Variants in WHRN observed in about 807,000 individuals in gnomAD.
The protein encoded by WHRN is CASK-interacting protein CIP98.
A neutral mutation model predicts 68.3 loss-of-function variants in WHRN; 41 were observed. That is an observed-to-expected ratio of 0.60 (90% confidence interval 0.47 to 0.78). The LOEUF is 0.78. Among genes scored for constraint, WHRN ranks in the 30% least tolerant of loss-of-function variants. WHRN has a pLI of 0.00. For synonymous variants in WHRN, 560 were observed against 561.3 expected, an observed-to-expected ratio of 1.00 and a Z score of 0.03; for missense variants, 1,243 against 1,244.7, an observed-to-expected ratio of 1.00 and a Z score of 0.02.
At chr9:114,491,929 C>T (rs1374479806) in intron 1 of WHRN, among the ~76,000 whole-genome samples, 17 of 151,726 alleles carry the variant, frequency 1.1e-4, no homozygotes. Flanking sequence ...TCCTGGGTCA[C>T]TCCCGGGGTG....
Position 114,402,800 on chromosome 9 carries a change from C to T in WHRN, c.2678G>A (p.Arg893His), listed in dbSNP as rs773620841. 2.0e-5 allele frequency: 33 copies of T among 1,614,098 alleles called. No individual in the cohort carries two copies. Among genetic ancestry groups the T allele is most frequent in the East Asian group, 1.1e-4 (5 of 44,878 alleles). Residue 893 changes from arginine to histidine, a missense_variant, in exon 12 of 12, where the codon CGT becomes CAT. Coordinates refer to ENST00000362057, the MANE Select transcript of WHRN (RefSeq NM_015404.4). ...AGTGACCAGAAAGTCAATGTAGTCACGGTCCTTAGTCTTGAAGGCCTCGGC... is the reference window on the plus strand; with the variant it reads ...AGTGACCAGAAAGTCAATGTAGTCATGGTCCTTAGTCTTGAAGGCCTCGGC... Reference protein sequence around the residue: ...IIAEAFKTKDRDYIDFLVTEF... With the variant: ...IIAEAFKTKDHDYIDFLVTEF...
At position 114,402,429 on chromosome 9, in the gene WHRN, G is replaced by T; in HGVS notation, c.*325C>A. ...GGGGATGGGCTGGGTCCTAGCTGGAGGGGGGACAGCAGTGCCCCCAACCCA... is the reference window on the plus strand; with the variant it reads ...GGGGATGGGCTGGGTCCTAGCTGGATGGGGGACAGCAGTGCCCCCAACCCA... On this transcript the variant is annotated 3_prime_UTR_variant, in exon 12 of 12. Transcript: ENST00000362057. The T allele has an allele frequency of 2.5e-6, 1 of 398,116 alleles. No individual in the cohort carries two copies. The highest frequency in any genetic ancestry group is 4.7e-6 in the Non-Finnish European group (1 of 210,774). The allele number at this position is 398,116 out of a possible 1,614,324, so 24.7% of individuals were successfully genotyped here.
intron 3 of WHRN, among the ~76,000 whole-genome samples, chr9:114,443,680 A>G (rs1838577498): frequency 6.6e-6 from 1 of 152,184 alleles, no homozygotes; most frequent in Admixed American, 6.5e-5. Flanking sequence ...GGATGTAGAC[A>G]TTTTGGAGGG....
intron 1 of WHRN, among the ~76,000 whole-genome samples, chr9:114,494,387 C>G (rs926108552): frequency 8.5e-5 from 13 of 152,114 alleles, no homozygotes; most frequent in Admixed American, 2.6e-4. Flanking sequence ...CATCAGTATC[C>G]CCATTTTAGA....
chr9:114,462,250 A>T (rs1397850376), intron 3 of WHRN, among the ~76,000 whole-genome samples: 5 of 152,182 alleles, frequency 3.3e-5, no homozygotes, highest in Non-Finnish European at 5.9e-5. Context: ...GTTCTGGAAT[A>T]TCACTCATCC....
Position 114,405,965 on chromosome 9 carries a change from A to G in WHRN, c.2236+390T>C, listed in dbSNP as rs1564115347. On this transcript the variant is annotated intron_variant, in intron 9 of 11. Transcript: ENST00000362057. ...TCCAGAGACTGCCACTTCAGTTTCC[A>G]GCATCTACTCCAGGCCAGGCCATGG... is the stretch of plus-strand genomic sequence containing the variant. Among the ~76,000 whole-genome samples the G allele has an allele frequency of 5.9e-5, 9 of 152,318 alleles. No homozygotes were observed. The South Asian group carries it at 1.9e-3, about 32-fold the overall frequency.
In WHRN at chr9:114,448,654, C is replaced by A. The variant is rs147989878; in HGVS notation, c.963+17613G>T. Among the ~76,000 whole-genome samples the A allele has an allele frequency of 4.0e-4, 61 of 152,290 alleles. No homozygotes were observed. The East Asian group carries it at 0.01, about 26-fold the overall frequency. On this transcript the variant is annotated intron_variant, in intron 3 of 11. Transcript: ENST00000362057. Reference sequence around the variant, plus strand: ...CCCCTGGAAAGCCCCCCTAAGCCACCATTCTTAGAGGCAGCCCAAACTAGC... The same window carrying A: ...CCCCTGGAAAGCCCCCCTAAGCCACAATTCTTAGAGGCAGCCCAAACTAGC...
At chr9:114,428,153 T>A (rs1163484255) in intron 3 of WHRN, among the ~76,000 whole-genome samples, 2 of 152,030 alleles carry the variant, frequency 1.3e-5, no homozygotes, top group Non-Finnish European at 2.9e-5. Flanking sequence ...CATGGCAAAA[T>A]GCTGTCTCTA....
chr9:114,440,680 C>G (rs1179193666), intron 3 of WHRN, among the ~76,000 whole-genome samples: 1 of 152,204 alleles, frequency 6.6e-6, no homozygotes, highest in Non-Finnish European at 1.5e-5. Context: ...CAGAAGTACA[C>G]ATGGTAGTAC....
Position 114,404,950 on chromosome 9 carries a change from T to A in WHRN, c.2237-873A>T, listed in dbSNP as rs372659699. On this transcript the variant is annotated intron_variant, in intron 9 of 11. Transcript: ENST00000362057. ...AAGCAGCGTGGGTTGACTGGTGGGC[T>A]GGAGGGCATGTGCCCACCACTCAGC... Among the ~76,000 whole-genome samples, 20 of 151,706 alleles carry A rather than the reference T, an allele frequency of 1.3e-4. No homozygotes were observed. In the East Asian group the frequency reaches 2.8e-3, roughly 21 times the overall value.
At chr9:114,450,535 A>C (rs1242070962) in intron 3 of WHRN, among the ~76,000 whole-genome samples, 1 of 152,096 alleles carries the variant, frequency 6.6e-6, no homozygotes, top group Non-Finnish European at 1.5e-5. Context: ...CTCAAGCAAG[A>C]CTCATGCGGT....
intron 3 of WHRN, among the ~76,000 whole-genome samples, chr9:114,436,058 T>C (rs1837822794): frequency 6.6e-6 from 1 of 152,072 alleles, no homozygotes; most frequent in African/African-American, 2.4e-5. Context: ...CAAAAATTCA[T>C]GGGGAAAAAT....
At position 114,406,837 on chromosome 9, in the gene WHRN, G is replaced by A. The variant is rs1379969236; in HGVS notation, c.1754C>T (p.Pro585Leu). The part of the protein sequence containing the change: ...GLSSFKPLPR[P>L]PPLAQGNDLP... ...GTCGTTGCCTTGGGCCAGAGGTGGTGGGCGAGGCAGTGGCTTGAAGCTTGA... is the reference window on the plus strand; with the variant it reads ...GTCGTTGCCTTGGGCCAGAGGTGGTAGGCGAGGCAGTGGCTTGAAGCTTGA... Residue 585 changes from proline (P) to leucine (L), a missense_variant, in exon 9 of 12, where the codon CCA becomes CTA. Coordinates refer to ENST00000362057, the MANE Select transcript of WHRN (RefSeq NM_015404.4). 1 of 1,605,140 alleles carries A rather than the reference G, an allele frequency of 6.2e-7. No individual in the cohort carries two copies. The highest frequency in any genetic ancestry group is 1.1e-5 in the South Asian group (1 of 89,922).
chr9:114,482,572 C>A (rs1842174207), intron 1 of WHRN, among the ~76,000 whole-genome samples: 1 of 152,056 alleles, frequency 6.6e-6, no homozygotes, highest in African/African-American at 2.4e-5. Context: ...TCAGAGCCTT[C>A]TTGGCCACAC....
At chr9:114,492,849 C>T (rs1843104759) in intron 1 of WHRN, among the ~76,000 whole-genome samples, 1 of 151,932 alleles carries the variant, frequency 6.6e-6, no homozygotes, top group African/African-American at 2.4e-5. Context: ...CACACACACA[C>T]ACAAATATAT....
chr9:114,455,835 G>A (rs943660312), intron 3 of WHRN, among the ~76,000 whole-genome samples: 1 of 151,740 alleles, frequency 6.6e-6, no homozygotes, highest in African/African-American at 2.4e-5. Flanking sequence ...TGAAAATATT[G>A]TAAATCAAAA....
chr9:114,443,622 T>C (rs1190505697), intron 3 of WHRN, among the ~76,000 whole-genome samples: 1 of 152,184 alleles, frequency 6.6e-6, no homozygotes, highest in Non-Finnish European at 1.5e-5. Flanking sequence ...TAGGAGCTTT[T>C]ATTCCCTCTG....
chr9:114,503,037 T>G, intron 1 of WHRN: 1 of 775,968 alleles, frequency 1.3e-6, no homozygotes, highest in Non-Finnish European at 1.6e-6. Flanking sequence ...CCAAAGGGGT[T>G]GATGGGCTGG....
Position 114,403,989 on chromosome 9 carries a change from G to T in WHRN, c.2325C>A (p.Ala775=). 1.2e-6 allele frequency: 2 copies of T among 1,612,654 alleles called. No individual in the cohort carries two copies. Among genetic ancestry groups the T allele is most frequent in the Non-Finnish European group, 1.7e-6 (2 of 1,180,026 alleles). The change falls in exon 10 of 12, where the codon GCC becomes GCA. Residue 775 remains alanine (A), a synonymous_variant. Transcript: ENST00000362057. ...GVDAGEAEAS[A]PGRGRQSVST... ...ACACCGACTGCCTTCCTCGGCCTGG[G>T]GCGCTGGCCTCTGCCTCGCCAGCAT...
Sources: allele counts gnomAD v4.1 joint callset (sites outside exome capture counted in the v4.1 genomes callset), GRCh38; gene constraint gnomAD v4.1.1; transcripts MANE v1.5; gene names NCBI Gene and HGNC (gene_info 2026-07-23, HGNC 2026-07-21).